The following ZNF354B variants were observed in gnomAD, a reference collection of about 807,000 sequenced individuals.
The protein encoded by ZNF354B is zinc finger protein 354B.
In ZNF354B, 10 loss-of-function variants were observed where a neutral mutation model predicts 12.9. The ratio of observed to expected loss-of-function variants is 0.77; its 90% CI spans 0.48 to 1.31. The LOEUF is 1.31. Ranked by LOEUF, ZNF354B falls within the 40% of genes most tolerant of loss-of-function variation. The pLI is 0.00. For synonymous variants in ZNF354B, 260 were observed against 243.7 expected (o/e 1.07, Z -0.62); for missense variants, 614 against 711.7 (o/e 0.86, Z 1.56).
At chr5:178,880,464 T>A (rs979501037) in intron 4 of ZNF354B, among the ~76,000 whole-genome samples, 4 of 151,766 alleles carry the variant, frequency 2.6e-5, no homozygotes, top group African/African-American at 9.7e-5. Context: ...TCCCAAAGTT[T>A]TGGGATTACA....
chr5:178,882,800 C>T lies in ZNF354B; in HGVS notation c.348C>T (p.Pro116=), dbSNP rs1275754997. 1.2e-6 allele frequency: 2 copies of T among 1,603,152 alleles called. No homozygotes were observed. Among genetic ancestry groups the T allele is most frequent in the Admixed American group, 1.7e-5 (1 of 57,144 alleles). The change falls in exon 5 of 5, where the codon CCC becomes CCT. Residue 116 remains proline (P), a synonymous_variant. Coordinates refer to ENST00000322434, the MANE Select transcript of ZNF354B (RefSeq NM_058230.3). The stretch of plus-strand genomic sequence containing the variant: ...GGAAAAGATTGAAAAGGGATGAACC[C>T]TGGAACTTCATATCAGAAAGATCCT... ...QIRKRLKRDE[P]WNFISERSCI...
At chr5:178,869,240 C>A (rs11958804) in intron 4 of ZNF354B, among the ~76,000 whole-genome samples, 1 of 152,104 alleles carries the variant, frequency 6.6e-6, no homozygotes, top group Non-Finnish European at 1.5e-5. Context: ...CCTTGTGCCA[C>A]GGGCCCAGCG....
chr5:178,876,186 C>T lies in ZNF354B; in HGVS notation c.257-6523C>T, dbSNP rs545972536. On this transcript the variant is annotated intron_variant, in intron 4 of 4. Transcript: ENST00000322434. ...CCTCAGAGAAATGCAGAGCCACCTC[C>T]AACTGAAGCATTCAGGTAGGCTTGA... Among the ~76,000 whole-genome samples the T allele has an allele frequency of 3.9e-5, 6 of 152,328 alleles. No homozygotes were observed. In the East Asian group the frequency reaches 9.7e-4, roughly 25 times the overall value.
intron 4 of ZNF354B, among the ~76,000 whole-genome samples, chr5:178,872,930 G>T (rs10068330): frequency 0.18 from 27,347 of 151,984 alleles, 2,727 homozygotes; most frequent in Non-Finnish European, 0.23. Flanking sequence ...GGGATTACAG[G>T]TGCATGCCAC....
At chr5:178,869,457 C>T (rs1757523057) in intron 4 of ZNF354B, among the ~76,000 whole-genome samples, 1 of 152,126 alleles carries the variant, frequency 6.6e-6, no homozygotes, top group African/African-American at 2.4e-5. Context: ...ATGCAAGCAG[C>T]AGGGAACCAG....
At chr5:178,876,290 C>T (rs1292455701) in intron 4 of ZNF354B, among the ~76,000 whole-genome samples, 1 of 152,228 alleles carries the variant, frequency 6.6e-6, no homozygotes, top group African/African-American at 2.4e-5. Context: ...GGGGAACAGT[C>T]TGGCCGCGTT....
Position 178,860,997 on chromosome 5 carries a change from A to G in ZNF354B, c.-51A>G, listed in dbSNP as rs1176996926. On this transcript the variant is annotated splice_region_variant and 5_prime_UTR_variant, in exon 2 of 5. Coordinates refer to ENST00000322434, the MANE Select transcript of ZNF354B (RefSeq NM_058230.3). ...TTCCTGGCTCCCTTTTTCTTCTCAG[A>G]TCTGCCTTCTGGAGACTGCGCCGTC... 1 of 761,698 alleles carries G rather than the reference A, an allele frequency of 1.3e-6. No individual in the cohort carries two copies. The highest frequency in any genetic ancestry group is 2.7e-5 in the Admixed American group (1 of 37,520). 47.2% of individuals were successfully genotyped at this position (761,698 alleles called of 1,614,324 possible).
chr5:178,876,242 C>G (rs932842946), intron 4 of ZNF354B, among the ~76,000 whole-genome samples: 1 of 152,162 alleles, frequency 6.6e-6, no homozygotes, highest in Non-Finnish European at 1.5e-5. Flanking sequence ...GTCGGGAGGC[C>G]CTGTCCAGTG....
chr5:178,871,171 A>G (rs1228703968), intron 4 of ZNF354B, among the ~76,000 whole-genome samples: 1 of 152,070 alleles, frequency 6.6e-6, no homozygotes, highest in African/African-American at 2.4e-5. Flanking sequence ...AGTCCCCATC[A>G]TGGCCTTCAG....
At chr5:178,864,830 C>T (rs991133042) in intron 2 of ZNF354B, among the ~76,000 whole-genome samples, 1 of 151,988 alleles carries the variant, frequency 6.6e-6, no homozygotes, top group Non-Finnish European at 1.5e-5. Context: ...ACCGTGTTGC[C>T]CAGGCTGGTC....
Position 178,871,964 on chromosome 5 carries a change from G to A in ZNF354B, c.256+4893G>A, listed in dbSNP as rs141226655. ...GATTTATATGCAGTTGTGAGAAGTAGTATAGAAAGATTCTATGTCCCTTAT... is the reference window on the plus strand; with the variant it reads ...GATTTATATGCAGTTGTGAGAAGTAATATAGAAAGATTCTATGTCCCTTAT... On this transcript the variant is annotated intron_variant, in intron 4 of 4. Transcript: ENST00000322434. Among the ~76,000 whole-genome samples the A allele has an allele frequency of 7.9e-5, 12 of 152,272 alleles. No individual in the cohort carries two copies. In the East Asian group the frequency reaches 2.3e-3, roughly 29 times the overall value.
intron 4 of ZNF354B, among the ~76,000 whole-genome samples, chr5:178,869,325 A>T (rs1222617889): frequency 6.6e-6 from 1 of 152,026 alleles, no homozygotes; most frequent in Non-Finnish European, 1.5e-5. Flanking sequence ...TGATAGCTTG[A>T]ACTTTTTTTT....
chr5:178,873,484 T>G (rs1757591717), intron 4 of ZNF354B, among the ~76,000 whole-genome samples: 1 of 152,212 alleles, frequency 6.6e-6, no homozygotes, highest in Admixed American at 6.5e-5. Context: ...GCGAGGTTCA[T>G]TTTTTTGCAT....
At chr5:178,878,136 C>G (rs894082362) in intron 4 of ZNF354B, among the ~76,000 whole-genome samples, 6 of 152,144 alleles carry the variant, frequency 3.9e-5, no homozygotes, top group Admixed American at 3.3e-4. Flanking sequence ...GTAATCCCAG[C>G]ACTTTGGGAG....
At chr5:178,880,591 T>C (rs1403333699) in intron 4 of ZNF354B, among the ~76,000 whole-genome samples, 2 of 151,582 alleles carry the variant, frequency 1.3e-5, no homozygotes, top group Non-Finnish European at 2.9e-5. Context: ...CCTCCTGGGC[T>C]CAAGTGATCC....
At chr5:178,861,420 G>A (rs1335561964) in intron 2 of ZNF354B, among the ~76,000 whole-genome samples, 2 of 152,120 alleles carry the variant, frequency 1.3e-5, no homozygotes, top group East Asian at 3.9e-4. Flanking sequence ...CCTGTCCTTC[G>A]CAGGAATACT....
intron 4 of ZNF354B, among the ~76,000 whole-genome samples, chr5:178,870,451 C>CATGGCTA (rs1385261672): frequency 1.3e-5 from 2 of 152,168 alleles, no homozygotes; most frequent in African/African-American, 4.8e-5. Context: ...TAATTTTTGG[C>CATGGCTA]ATTTTTTTAG....
intron 1 of ZNF354B, 95 bp from the exon 2 acceptor site, chr5:178,860,902 C>T (rs1167270405): frequency 1.8e-5 from 9 of 500,206 alleles, no homozygotes; most frequent in Non-Finnish European, 3.2e-5. Flanking sequence ...TGAGGGCGCG[C>T]GGGGTCCTTC....
intron 2 of ZNF354B, among the ~76,000 whole-genome samples, chr5:178,865,710 T>C (rs896937688): frequency 2.0e-5 from 3 of 152,248 alleles, no homozygotes; most frequent in African/African-American, 7.2e-5. Context: ...AAATATAGTG[T>C]CTGGCCCATG....
Sources: gnomAD v4.1 joint callset for allele counts (sites outside exome capture counted in the v4.1 genomes callset) on GRCh38, gnomAD v4.1.1 for gene constraint, MANE v1.5 for transcripts, NCBI Gene and HGNC (gene_info 2026-07-23, HGNC 2026-07-21) for gene names.